TTC27: variants seen among roughly 807,000 people sequenced by gnomAD.
TTC27 encodes the protein tetratricopeptide repeat protein 27.
A neutral mutation model predicts 115.9 loss-of-function variants in TTC27; 79 were observed. The ratio of observed to expected loss-of-function variants is 0.68; its 90% CI spans 0.57 to 0.82. TTC27 has a LOEUF of 0.82. Ranked by LOEUF, TTC27 falls within the 40% of genes least tolerant of loss-of-function variation. The pLI, the probability that TTC27 is intolerant of heterozygous loss-of-function variation, is 0.00. For missense variants in TTC27, 1,054 were observed against 993.1 expected, an observed-to-expected ratio of 1.06 and a Z score of -0.82; for synonymous variants, 401 against 356.0, an observed-to-expected ratio of 1.13 and a Z score of -1.42.
intron 12 of TTC27, among the ~76,000 whole-genome samples, chr2:32,755,524 A>T (rs1669201431): frequency 6.6e-6 from 1 of 152,146 alleles, no homozygotes; most frequent in Non-Finnish European, 1.5e-5. Context: ...GTGAGCCGAG[A>T]TGGCAGCAGT....
chr2:32,659,559 T>C (rs1285593213), intron 5 of TTC27, among the ~76,000 whole-genome samples: 1 of 152,164 alleles, frequency 6.6e-6, no homozygotes, highest in East Asian at 1.9e-4. Flanking sequence ...TATTATACTT[T>C]AAGTTCTGGG....
At chr2:32,703,477 T>A (rs1387356950) in intron 10 of TTC27, among the ~76,000 whole-genome samples, 1 of 151,938 alleles carries the variant, frequency 6.6e-6, no homozygotes, top group African/African-American at 2.4e-5. Flanking sequence ...CAAATAATAA[T>A]AATAATAATG....
At chr2:32,669,642 T>C (rs1665933445) in intron 7 of TTC27, among the ~76,000 whole-genome samples, 1 of 152,090 alleles carries the variant, frequency 6.6e-6, no homozygotes, top group Non-Finnish European at 1.5e-5. Context: ...CCCAGCACTT[T>C]GGGAGGCCGA....
intron 5 of TTC27, among the ~76,000 whole-genome samples, chr2:32,655,610 C>G (rs923948633): frequency 6.6e-6 from 1 of 152,126 alleles, no homozygotes; most frequent in African/African-American, 2.4e-5. Context: ...CTCACTCATA[C>G]CAATGGTGGA....
intron 10 of TTC27, among the ~76,000 whole-genome samples, chr2:32,714,155 C>A (rs1352547256): frequency 6.7e-6 from 1 of 148,884 alleles, no homozygotes; most frequent in Non-Finnish European, 1.5e-5. Context: ...GCACCCCCGC[C>A]CCCCCGCCTT....
intron 5 of TTC27, among the ~76,000 whole-genome samples, chr2:32,657,609 G>A (rs900785397): frequency 6.6e-6 from 1 of 151,980 alleles, no homozygotes; most frequent in Non-Finnish European, 1.5e-5. Flanking sequence ...AGACAAAGGG[G>A]TATCTGTTTC....
intron 16 of TTC27, among the ~76,000 whole-genome samples, chr2:32,790,247 T>C (rs550909304): frequency 6.6e-6 from 1 of 152,174 alleles, no homozygotes; most frequent in African/African-American, 2.4e-5. Context: ...TTCTATTTTA[T>C]GGATGTGGAT....
At chr2:32,751,285 CACACACACACACACACAT>C (rs1345645781) in intron 12 of TTC27, among the ~76,000 whole-genome samples, 1 of 151,510 alleles carries the variant, frequency 6.6e-6, no homozygotes. Context: ...CACACACACA[CACACACACACACACACAT>C]GCACACACAT....
In TTC27 at chr2:32,798,987, A is replaced by T. The variant is rs182738191; in HGVS notation, c.1998+11838A>T. Among the ~76,000 whole-genome samples, 41 of 152,324 alleles carry T rather than the reference A, an allele frequency of 2.7e-4. No individual in the cohort carries two copies. The East Asian group carries it at 5.4e-3, about 20-fold the overall frequency. On this transcript the variant is annotated intron_variant, in intron 16 of 19. Transcript: ENST00000317907. ...ATAGCTAAAACCTGGAAGCAACCCA[A>T]ATTTCCATCTATGGATGAATGGATA...
chr2:32,650,045 TAAAA>T (rs947244889), intron 4 of TTC27, 82 bp from the exon 5 acceptor site: 2 of 1,135,246 alleles, frequency 1.8e-6, no homozygotes, highest in East Asian at 2.4e-5. Context: ...TTTATGAATG[TAAAA>T]AAATTCTAAA....
At chr2:32,682,187 C>T (rs188961335) in intron 9 of TTC27, among the ~76,000 whole-genome samples, 309 of 152,086 alleles carry the variant, frequency 2.0e-3, no homozygotes, top group African/African-American at 6.8e-3. Flanking sequence ...ATATATCCTA[C>T]ACCCTGGAAT....
chr2:32,747,205 C>G (rs1668860594), intron 12 of TTC27, among the ~76,000 whole-genome samples: 1 of 152,110 alleles, frequency 6.6e-6, no homozygotes. Flanking sequence ...ATATGAAATC[C>G]TGAGTACCCT....
chr2:32,781,281 T>G (rs1458447989), intron 14 of TTC27, among the ~76,000 whole-genome samples: 1 of 152,236 alleles, frequency 6.6e-6, no homozygotes, highest in African/African-American at 2.4e-5. Context: ...ATGTTTTCCT[T>G]TAAATCTTTG....
At position 32,672,340 on chromosome 2, in the gene TTC27, G is replaced by T; in HGVS notation, c.1008G>T (p.Met336Ile). 1 of 1,613,920 alleles carries T rather than the reference G, an allele frequency of 6.2e-7. No individual in the cohort carries two copies. Among genetic ancestry groups the T allele is most frequent in the Non-Finnish European group, 8.5e-7 (1 of 1,179,866 alleles). The change falls in exon 8 of 20, where the codon ATG becomes ATT. Residue 336 changes from methionine to isoleucine, a missense_variant. Coordinates refer to ENST00000317907, the MANE Select transcript of TTC27 (RefSeq NM_017735.5). ...TAGCAGATTGTGAACAGTTCCAGAT[G>T]CCGGATCTGTGTGCTGAAGAGATCG... ...IKLADCEQFQ[M>I]PDLCAEEIAI...
rs760953779 is a variant in TTC27 at position 32,678,923 on chromosome 2, G to C, written c.1119+1G>C. 3.7e-6 allele frequency: 6 copies of C among 1,612,020 alleles called. No homozygotes were observed. The South Asian group carries it at 6.6e-5, about 18-fold the overall frequency. On this transcript the variant is annotated splice_donor_variant, in intron 9 of 19. Transcript: ENST00000317907. LOFTEE classifies it high-confidence loss of function. The stretch of plus-strand genomic sequence containing the variant: ...AGTGGAGCTTCTGGCATTTACATCA[G>C]TGAGTAATGTCTTTTTCTCTTCCAT...
intron 13 of TTC27, among the ~76,000 whole-genome samples, chr2:32,763,678 G>C (rs1572590669): frequency 6.6e-6 from 1 of 152,320 alleles, no homozygotes; most frequent in East Asian, 1.9e-4. Flanking sequence ...TCTAATAACA[G>C]GGATGAGATG....
intron 10 of TTC27, among the ~76,000 whole-genome samples, chr2:32,719,789 G>A (rs930199469): frequency 7.9e-5 from 12 of 152,260 alleles, no homozygotes; most frequent in African/African-American, 2.6e-4. Context: ...CAGGGACAGA[G>A]GATGCCTTCC....
chr2:32,700,607 G>A (rs1329555943), intron 9 of TTC27, among the ~76,000 whole-genome samples: 3 of 151,924 alleles, frequency 2.0e-5, no homozygotes, highest in Non-Finnish European at 4.4e-5. Context: ...GTGCAATCTC[G>A]GCTCACTGCA....
At chr2:32,796,970 C>T (rs181417580) in intron 16 of TTC27, among the ~76,000 whole-genome samples, 62 of 151,556 alleles carry the variant, frequency 4.1e-4, no homozygotes, top group Middle Eastern at 3.4e-3. Context: ...GTCAGGACTT[C>T]GAGACCAGCC....
Sources: gnomAD v4.1 joint callset for allele counts (sites outside exome capture counted in the v4.1 genomes callset) on GRCh38, gnomAD v4.1.1 for gene constraint, MANE v1.5 for transcripts, NCBI Gene and HGNC (gene_info 2026-07-23, HGNC 2026-07-21) for gene names.